Variants in WDR70 observed in about 807,000 individuals in gnomAD.
The protein encoded by WDR70 is WD repeat-containing protein 70.
A neutral mutation model predicts 88.6 loss-of-function variants in WDR70; 53 were observed. The observed-to-expected ratio is 0.60, with a 90% CI of 0.48 to 0.75. The LOEUF is 0.75. WDR70 is among the 30% of genes least tolerant of loss of function. WDR70 has a pLI of 0.00. For synonymous variants in WDR70, 280 were observed against 270.0 expected (o/e 1.04, Z -0.36); for missense variants, 610 against 823.2 (o/e 0.74, Z 3.17).
intron 7 of WDR70, among the ~76,000 whole-genome samples, chr5:37,446,482 G>C (rs965923109): frequency 1.3e-5 from 2 of 152,210 alleles, no homozygotes; most frequent in African/African-American, 2.4e-5. Flanking sequence ...GCATCGCCAA[G>C]ACAATCCTAA....
intron 10 of WDR70, among the ~76,000 whole-genome samples, chr5:37,605,946 C>T (rs1399463936): frequency 6.6e-6 from 1 of 152,256 alleles, no homozygotes; most frequent in Non-Finnish European, 1.5e-5. Context: ...TAAAATTCTA[C>T]ACAAACACAT....
chr5:37,542,076 T>A (rs143485293), intron 9 of WDR70, among the ~76,000 whole-genome samples: 3 of 152,202 alleles, frequency 2.0e-5, no homozygotes, highest in African/African-American at 7.2e-5. Context: ...GGAGATGGAC[T>A]TACTGAAGAA....
chr5:37,560,133 C>T (rs1421900094), intron 9 of WDR70, among the ~76,000 whole-genome samples: 2 of 151,762 alleles, frequency 1.3e-5, no homozygotes, highest in African/African-American at 2.4e-5. Context: ...CCAAGAAAAG[C>T]GAATAATTGT....
chr5:37,451,953 C>CACT (rs1738689493), intron 7 of WDR70, among the ~76,000 whole-genome samples: 1 of 152,090 alleles, frequency 6.6e-6, no homozygotes, highest in South Asian at 2.1e-4. Context: ...CAGATGGCGC[C>CACT]ACTACACTCC....
rs1287477996 is a variant in WDR70 at position 37,642,537 on chromosome 5, C to G, written c.1092+37299C>G. ...TCACCTCAAACATGTATCCTTTCTTCATGTTACAAACAAATCAGTTTGGCA... is the reference window on the plus strand; with the variant it reads ...TCACCTCAAACATGTATCCTTTCTTGATGTTACAAACAAATCAGTTTGGCA... On this transcript the variant is annotated intron_variant, in intron 10 of 17. Transcript: ENST00000265107. Among the ~76,000 whole-genome samples the G allele has an allele frequency of 4.6e-5, 7 of 152,112 alleles. No individual in the cohort carries two copies. In the South Asian group the frequency reaches 8.3e-4, roughly 18 times the overall value.
At chr5:37,553,372 A>T (rs956018508) in intron 9 of WDR70, among the ~76,000 whole-genome samples, 1 of 152,192 alleles carries the variant, frequency 6.6e-6, no homozygotes, top group Non-Finnish European at 1.5e-5. Flanking sequence ...AACCATCTGT[A>T]TCCTGTTCAG....
chr5:37,392,319 C>T (rs991514573), intron 4 of WDR70, among the ~76,000 whole-genome samples, 199 bp downstream of exon 4: 6 of 151,168 alleles, frequency 4.0e-5, no homozygotes, highest in African/African-American at 1.5e-4. Context: ...AAGTAGCTGG[C>T]ATTACAGGCA....
At chr5:37,687,498 T>C in intron 10 of WDR70, among the ~76,000 whole-genome samples, 1 of 152,204 alleles carries the variant, frequency 6.6e-6, no homozygotes, top group Non-Finnish European at 1.5e-5. Flanking sequence ...GCTTGTTTTG[T>C]AGCATATATT....
chr5:37,619,643 A>G lies in WDR70; in HGVS notation c.1092+14405A>G, dbSNP rs114263552. 1.3e-3 allele frequency among the ~76,000 whole-genome samples: 192 copies of G among 152,308 alleles called. 1 individual carries two copies. The highest frequency in any genetic ancestry group is 4.5e-3 in the African/African-American group (187 of 41,590). On this transcript the variant is annotated intron_variant, in intron 10 of 17. Transcript: ENST00000265107. ...CTCTGGTCTGTGTGCATTCTCTTTT[A>G]ACCTACTCTTTGATTCATTGCAACT... is the stretch of plus-strand genomic sequence containing the variant.
At position 37,443,185 on chromosome 5, in the gene WDR70, A is replaced by G. The variant is rs1020151502; in HGVS notation, c.553-54A>G. The G allele has an allele frequency of 9.7e-6, 15 of 1,540,080 alleles. No homozygotes were observed. The African/African-American group carries it at 2.1e-4, about 21-fold the overall frequency. On this transcript the variant is annotated intron_variant, in intron 6 of 17. Coordinates refer to ENST00000265107, the MANE Select transcript of WDR70 (RefSeq NM_018034.4). ...TAAAGAACAGAAATGGGAGGTTATA[A>G]TTGACCATATGTCATTTTGCTCCGG...
intron 5 of WDR70, among the ~76,000 whole-genome samples, chr5:37,407,371 A>G (rs554373129): frequency 6.6e-6 from 1 of 152,190 alleles, no homozygotes; most frequent in East Asian, 1.9e-4. Flanking sequence ...AAAAATACAA[A>G]AAATAATTAG....
chr5:37,524,943 T>C (rs986615998), intron 9 of WDR70, among the ~76,000 whole-genome samples: 7 of 152,104 alleles, frequency 4.6e-5, no homozygotes, highest in African/African-American at 1.7e-4. Context: ...CCTAAATATA[T>C]ATGCACCCAA....
At chr5:37,597,272 G>A (rs1407989672) in intron 9 of WDR70, among the ~76,000 whole-genome samples, 1 of 152,100 alleles carries the variant, frequency 6.6e-6, no homozygotes, top group Non-Finnish European at 1.5e-5. Context: ...ATAAGAAACT[G>A]TTTTCCACAG....
intron 8 of WDR70, among the ~76,000 whole-genome samples, chr5:37,487,793 T>G (rs1739935235): frequency 6.6e-6 from 1 of 151,454 alleles, no homozygotes; most frequent in Admixed American, 6.6e-5. Flanking sequence ...ACCCGGCTAA[T>G]TTTTGTATTT....
intron 4 of WDR70, 57 bp downstream of exon 4, chr5:37,392,177 G>GTTTTT: frequency 1.3e-5 from 17 of 1,310,390 alleles, no homozygotes; most frequent in East Asian, 2.7e-5. Flanking sequence ...TGTTTATAGA[G>GTTTTT]TTTTTTTTTT....
At chr5:37,600,105 A>G (rs1392614059) in intron 9 of WDR70, among the ~76,000 whole-genome samples, 1 of 152,222 alleles carries the variant, frequency 6.6e-6, no homozygotes, top group East Asian at 1.9e-4. Flanking sequence ...GACTTCATCA[A>G]AATTAAAAGT....
At chr5:37,671,086 T>C (rs1427340722) in intron 10 of WDR70, among the ~76,000 whole-genome samples, 1 of 152,196 alleles carries the variant, frequency 6.6e-6, no homozygotes. Flanking sequence ...TAAGTAACCC[T>C]AACATGTGAT....
chr5:37,729,990 C>G, intron 17 of WDR70, among the ~76,000 whole-genome samples: 1 of 152,184 alleles, frequency 6.6e-6, no homozygotes, highest in East Asian at 1.9e-4. Context: ...TAAGTATCTT[C>G]TTACATCCCC....
chr5:37,481,932 T>C (rs1739682087), intron 8 of WDR70, among the ~76,000 whole-genome samples: 1 of 152,150 alleles, frequency 6.6e-6, no homozygotes, highest in Non-Finnish European at 1.5e-5. Flanking sequence ...AAAATTCTTA[T>C]TTCACTCTTT....
Sources: allele counts gnomAD v4.1 joint callset (sites outside exome capture counted in the v4.1 genomes callset), GRCh38; gene constraint gnomAD v4.1.1; transcripts MANE v1.5; gene names NCBI Gene and HGNC (gene_info 2026-07-23, HGNC 2026-07-21).